The following CDA variants were observed in gnomAD, a reference collection of about 807,000 sequenced individuals.
CDA encodes the protein cytidine aminohydrolase.
A neutral mutation model predicts 15.0 loss-of-function variants in CDA; 7 were observed. The observed-to-expected ratio is 0.47, with a 90% CI of 0.26 to 0.87. The LOEUF (loss-of-function observed/expected upper bound fraction) is 0.87. CDA is among the 40% of genes least tolerant of loss of function. CDA has a pLI of 0.15. For missense variants in CDA, 159 were observed against 182.7 expected, an observed-to-expected ratio of 0.87 and a Z score of 0.75; for synonymous variants, 58 against 73.0, an observed-to-expected ratio of 0.79 and a Z score of 1.05.
intron 1 of CDA, among the ~76,000 whole-genome samples, chr1:20,601,809 A>G (rs1208919991): frequency 2.0e-5 from 3 of 152,216 alleles, no homozygotes; most frequent in Non-Finnish European, 4.4e-5. Context: ...AATACTGCAT[A>G]ATCACAATGA....
chr1:20,605,756 C>T lies in CDA; in HGVS notation c.266+717C>T, dbSNP rs202232446. Among the ~76,000 whole-genome samples the T allele has an allele frequency of 2.3e-4, 27 of 119,128 alleles. 7 individuals carry two copies. The East Asian group carries it at 3.1e-3, about 13-fold the overall frequency. The allele number at this position is 119,128 out of a possible 152,430, so 78.2% of individuals were successfully genotyped here. ...GGAGGATCACTTGAGCCTGGGAGTT[C>T]GAGGCTGGAATGAGCCATGATTATG... is the stretch of plus-strand genomic sequence containing the variant. On this transcript the variant is annotated intron_variant, in intron 2 of 3. Coordinates refer to ENST00000375071, the MANE Select transcript of CDA (RefSeq NM_001785.3).
At chr1:20,592,373 C>T (rs937648010) in intron 1 of CDA, among the ~76,000 whole-genome samples, 1 of 152,146 alleles carries the variant, frequency 6.6e-6, no homozygotes, top group Non-Finnish European at 1.5e-5. Flanking sequence ...ATAAGAAGGT[C>T]ACAAATGATA....
chr1:20,594,895 G>A (rs1041647678), intron 1 of CDA, among the ~76,000 whole-genome samples: 4 of 152,256 alleles, frequency 2.6e-5, no homozygotes, highest in Non-Finnish European at 4.4e-5. Context: ...AGGCTCAGCC[G>A]GTGTTCGTGC....
At chr1:20,609,781 C>G (rs916920093) in intron 2 of CDA, among the ~76,000 whole-genome samples, 18 of 152,170 alleles carry the variant, frequency 1.2e-4, no homozygotes, top group Admixed American at 1.2e-3. Context: ...GCTTAAGAGG[C>G]CCTGGCTGCA....
chr1:20,601,063 G>A (rs532623582), intron 1 of CDA, among the ~76,000 whole-genome samples: 1 of 152,304 alleles, frequency 6.6e-6, no homozygotes, highest in East Asian at 1.9e-4. Context: ...TAGACAAAAG[G>A]AGGATGTATG....
chr1:20,600,769 A>AC (rs397979486), intron 1 of CDA, among the ~76,000 whole-genome samples: 2 of 147,806 alleles, frequency 1.4e-5, no homozygotes, highest in Non-Finnish European at 3.0e-5. Flanking sequence ...AAAAAAAAAA[A>AC]GAAAAGAGAA....
intron 1 of CDA, among the ~76,000 whole-genome samples, chr1:20,599,126 A>G (rs1198469556): frequency 6.6e-6 from 1 of 152,256 alleles, no homozygotes; most frequent in East Asian, 1.9e-4. Context: ...AGTAGGGTGA[A>G]TAGTGCGCAA....
intron 1 of CDA, among the ~76,000 whole-genome samples, chr1:20,599,963 A>G (rs1408156315): frequency 6.6e-6 from 1 of 152,206 alleles, no homozygotes; most frequent in African/African-American, 2.4e-5. Context: ...CCTTTCCCCA[A>G]TTCTCAGAGC....
chr1:20,599,856 C>T (rs1482784087), intron 1 of CDA, among the ~76,000 whole-genome samples: 1 of 152,102 alleles, frequency 6.6e-6, no homozygotes, highest in African/African-American at 2.4e-5. Flanking sequence ...GTGCTTTACA[C>T]GAGTGATCTC....
At chr1:20,616,737 G>A (rs576939303) in intron 3 of CDA, among the ~76,000 whole-genome samples, 10 of 152,246 alleles carry the variant, frequency 6.6e-5, no homozygotes, top group East Asian at 1.9e-4. Flanking sequence ...GAGATGAGGC[G>A]TTGGGGCCAG....
In CDA at chr1:20,618,480, C is replaced by T; in HGVS notation, c.353C>T (p.Thr118Ile). The change falls in exon 4 of 4, where the codon ACC becomes ATC. Residue 118 changes from threonine to isoleucine, a missense_variant. Physicochemically the swap from Thr to Ile is moderately conservative, Grantham distance 89. Transcript: ENST00000375071. ...EFGTNWPVYMTKPDGTYIVMT... is the reference protein window; with the variant it reads ...EFGTNWPVYMIKPDGTYIVMT... ...GGCACCAACTGGCCCGTGTACATGA[C>T]CAAGCCGGATGGTACGTATATTGTC... 6.2e-7 allele frequency: 1 copy of T among 1,613,302 alleles called. No homozygotes were observed. Among genetic ancestry groups the T allele is most frequent in the Non-Finnish European group, 8.5e-7 (1 of 1,179,498 alleles).
intron 3 of CDA, among the ~76,000 whole-genome samples, chr1:20,617,735 C>T (rs761176949): frequency 1.1e-3 from 165 of 151,290 alleles, no homozygotes; most frequent in Non-Finnish European, 2.0e-3. Context: ...CGCTCTATGG[C>T]CAAGGCTGGA....
intron 1 of CDA, among the ~76,000 whole-genome samples, chr1:20,589,581 GGAGAGC>G (rs1049473747): frequency 1.3e-5 from 2 of 152,172 alleles, no homozygotes; most frequent in African/African-American, 4.8e-5. Context: ...GTGCAGGCAG[GGAGAGC>G]GTTCGTGCTT....
chr1:20,605,366 G>A lies in CDA; in HGVS notation c.266+327G>A, dbSNP rs186623832. Reference sequence around the variant, plus strand: ...GAAAGGCAGCATTGAAACATAAAGCGGGGGGAACCTGAGCCAGGCGCGGTG... The same window carrying A: ...GAAAGGCAGCATTGAAACATAAAGCAGGGGGAACCTGAGCCAGGCGCGGTG... On this transcript the variant is annotated intron_variant, in intron 2 of 3. Transcript: ENST00000375071. 1.5e-4 allele frequency among the ~76,000 whole-genome samples: 22 copies of A among 151,520 alleles called. No individual in the cohort carries two copies. In the East Asian group the frequency reaches 3.7e-3, roughly 25 times the overall value.
chr1:20,591,691 G>A (rs1432759031), intron 1 of CDA, among the ~76,000 whole-genome samples: 2 of 152,148 alleles, frequency 1.3e-5, no homozygotes, highest in African/African-American at 4.8e-5. Flanking sequence ...CCAGAGAAAG[G>A]GTTGTGTGAT....
intron 2 of CDA, among the ~76,000 whole-genome samples, chr1:20,606,674 A>T (rs888648305): frequency 5.9e-5 from 9 of 152,172 alleles, no homozygotes; most frequent in Admixed American, 4.6e-4. Context: ...AACAGTAGTT[A>T]TGGTTCAAAC....
chr1:20,615,032 T>C (rs1001047278), intron 3 of CDA, among the ~76,000 whole-genome samples: 3 of 152,014 alleles, frequency 2.0e-5, no homozygotes, highest in African/African-American at 7.2e-5. Flanking sequence ...CGGCTAATTT[T>C]TGTATTTTTA....
At chr1:20,608,256 C>A (rs755414647) in intron 2 of CDA, among the ~76,000 whole-genome samples, 21 of 152,176 alleles carry the variant, frequency 1.4e-4, no homozygotes, top group Non-Finnish European at 3.1e-4. Flanking sequence ...GCATTATGGA[C>A]CTTGGGCATG....
At chr1:20,609,540 C>T (rs540440857) in intron 2 of CDA, among the ~76,000 whole-genome samples, 6 of 152,108 alleles carry the variant, frequency 3.9e-5, no homozygotes, top group Admixed American at 2.0e-4. Flanking sequence ...TCAGATCACA[C>T]AGGGCCTTAC....
Sources: gnomAD v4.1 joint callset for allele counts (sites outside exome capture counted in the v4.1 genomes callset) on GRCh38, gnomAD v4.1.1 for gene constraint, MANE v1.5 for transcripts, NCBI Gene and HGNC (gene_info 2026-07-23, HGNC 2026-07-21) for gene names.